The following GOSR2 variants were observed in gnomAD, a reference collection of about 807,000 sequenced individuals.
GOSR2 encodes 27 kDa Golgi SNARE protein.
GOSR2 carries 20 observed loss-of-function variants against 27.9 expected under a neutral mutation model. The observed-to-expected ratio is 0.72, with a 90% CI of 0.50 to 1.04. GOSR2 has a LOEUF of 1.04. GOSR2 is among the 50% of genes least tolerant of loss of function. The pLI is 0.00. For missense variants in GOSR2, 261 were observed against 270.5 expected (o/e 0.97, Z 0.25); for synonymous variants, 91 against 98.8 (o/e 0.92, Z 0.47).
intron 6 of GOSR2, among the ~76,000 whole-genome samples, chr17:46,954,894 C>T (rs1186214037): frequency 6.6e-6 from 1 of 152,182 alleles, no homozygotes; most frequent in African/African-American, 2.4e-5. Flanking sequence ...GCTGAAGTTG[C>T]TTATCAGCTT....
At chr17:46,961,814 T>G (rs890822853) in intron 6 of GOSR2, among the ~76,000 whole-genome samples, 2 of 152,178 alleles carry the variant, frequency 1.3e-5, no homozygotes, top group African/African-American at 4.8e-5. Context: ...TGTACACCCT[T>G]TATCTAATGC....
intron 4 of GOSR2, chr17:46,933,631 C>CTTTTTTTTTTTT (rs5820637): frequency 4.5e-5 from 6 of 134,740 alleles, no homozygotes; most frequent in Non-Finnish European, 6.2e-5. Context: ...GTGGCATAAC[C>CTTTTTTTTTTTT]TTTTTTTTTT....
In GOSR2 at chr17:46,939,580, T is replaced by G. The variant is rs1002973350; in HGVS notation, c.*820T>G. ...TTAGAAAGTAGCTGTAGGCAAAGATTTGTGATTTTCCAATTACAGTCTCAG... is the reference window on the plus strand; with the variant it reads ...TTAGAAAGTAGCTGTAGGCAAAGATGTGTGATTTTCCAATTACAGTCTCAG... On this transcript the variant is annotated 3_prime_UTR_variant, in exon 6 of 6. Transcript: ENST00000640051. The G allele has an allele frequency of 2.0e-6, 2 of 985,312 alleles. No homozygotes were observed. Among genetic ancestry groups the G allele is most frequent in the African/African-American group, 1.7e-5 (1 of 57,236 alleles). The allele number at this position is 985,312 out of a possible 1,614,324, so 61.0% of individuals were successfully genotyped here.
chr17:46,934,096 G>A (rs978660361), intron 4 of GOSR2, among the ~76,000 whole-genome samples: 1 of 152,210 alleles, frequency 6.6e-6, no homozygotes, highest in African/African-American at 2.4e-5. Flanking sequence ...CAGGATGGGC[G>A]TTGGTGTTTC....
chr17:46,947,262 T>C (rs1316606293), intron 6 of GOSR2, among the ~76,000 whole-genome samples: 1 of 152,132 alleles, frequency 6.6e-6, no homozygotes, highest in Non-Finnish European at 1.5e-5. Flanking sequence ...CAGCCTCCTC[T>C]TTGGTGTATG....
At chr17:46,934,934 T>C in intron 4 of GOSR2, 95 bp from the exon 5 acceptor site, 3 of 1,073,392 alleles carry the variant, frequency 2.8e-6, no homozygotes, top group Non-Finnish European at 4.4e-6. Flanking sequence ...CCCCTCCGGC[T>C]GTTCTGGCTT....
chr17:46,940,637 A>G lies in GOSR2; in HGVS notation c.*1877A>G. On this transcript the variant is annotated 3_prime_UTR_variant, in exon 6 of 6. Coordinates refer to ENST00000640051, the MANE Select transcript of GOSR2 (RefSeq NM_004287.5). ...GAGCCATTTGTTCTTGAACTCTGGG[A>G]GGCAGAAGTCCCCGCACCCATCATG... is the stretch of plus-strand genomic sequence containing the variant. 6.2e-7 allele frequency: 1 copy of G among 1,613,972 alleles called. No individual in the cohort carries two copies. Among genetic ancestry groups the G allele is most frequent in the Non-Finnish European group, 8.5e-7 (1 of 1,179,976 alleles).
downstream of GOSR2, among the ~76,000 whole-genome samples, chr17:46,944,252 C>T (rs748719371): frequency 1.3e-5 from 2 of 152,220 alleles, no homozygotes; most frequent in Non-Finnish European, 2.9e-5. Context: ...AGCAGCCCTC[C>T]GCAGTTTGCA....
At chr17:46,945,966 C>G (rs1403347360), downstream of GOSR2, among the ~76,000 whole-genome samples, 1 of 152,144 alleles carries the variant, frequency 6.6e-6, no homozygotes, top group Non-Finnish European at 1.5e-5. Context: ...GAAACCATTT[C>G]TTTTTTCCCC....
intron 2 of GOSR2, 127 bp downstream of exon 2, chr17:46,929,711 G>A (rs2087021156): frequency 1.5e-6 from 1 of 676,302 alleles, no homozygotes. Flanking sequence ...TGTTGTTAGG[G>A]TGGACAGAAA....
chr17:46,932,863 G>A (rs2087616630), intron 4 of GOSR2: 1 of 152,496 alleles, frequency 6.6e-6, no homozygotes, highest in Admixed American at 6.5e-5. Flanking sequence ...AATGAAGTGT[G>A]CTTTGGCTTT....
At position 46,962,277 on chromosome 17, in the gene GOSR2, C is replaced by T. The variant is rs573253178; in HGVS notation, c.584-4257C>T. Among the ~76,000 whole-genome samples the T allele has an allele frequency of 8.0e-5, 12 of 150,360 alleles. No individual in the cohort carries two copies. The South Asian group carries it at 1.1e-3, about 13-fold the overall frequency. ...CCGGGAGGTGGAGGTTGCAGTGAGC[C>T]GAGATTGCGCCACTGCACTCCAACC... On this transcript the variant is annotated intron_variant, in intron 6 of 6. Transcript: ENST00000573224.
intron 6 of GOSR2, chr17:46,966,479 T>C: frequency 3.0e-6 from 2 of 655,912 alleles, no homozygotes; most frequent in East Asian, 5.7e-5. Context: ...TCCAGGGTAG[T>C]TGGAACTACA....
In GOSR2 at chr17:46,935,356, C is replaced by T. The variant is rs115716044; in HGVS notation, c.477+187C>T. The T allele has an allele frequency of 3.4e-5, 49 of 1,455,418 alleles. 1 individual carries two copies. In the African/African-American group the frequency reaches 7.0e-4, roughly 21 times the overall value. The allele number at this position is 1,455,418 out of a possible 1,614,324, so 90.2% of individuals were successfully genotyped here. On this transcript the variant is annotated intron_variant, in intron 5 of 5. Transcript: ENST00000640051. ...ATTGTGAGCCTGAAAGTACCCAGTT[C>T]CTTTGCCAGTGCTTGAAACAAACCA...
rs567841814 is a variant in GOSR2 at position 46,949,312 on chromosome 17, A to G, written c.583+10608A>G. On this transcript the variant is annotated intron_variant, in intron 6 of 6. Transcript: ENST00000573224. ...CTGCACACGGCTTCTCCATGGGACC[A>G]GGGCTTCCTCAGGGCATGATGACTG... The G allele has an allele frequency of 2.0e-5, 3 of 152,516 alleles. No homozygotes were observed. In the South Asian group the frequency reaches 6.2e-4, roughly 32 times the overall value. 9.4% of individuals were successfully genotyped at this position (152,516 alleles called of 1,614,324 possible).
At chr17:46,936,394 T>A (rs1403510554) in intron 5 of GOSR2, 2 of 985,252 alleles carry the variant, frequency 2.0e-6, no homozygotes, top group East Asian at 2.3e-4. Flanking sequence ...AGCACACCTC[T>A]TGCCACCCAC....
chr17:46,959,885 C>T (rs998605758), intron 6 of GOSR2, among the ~76,000 whole-genome samples: 2 of 152,264 alleles, frequency 1.3e-5, no homozygotes, highest in African/African-American at 2.4e-5. Flanking sequence ...GCAGGAAGAC[C>T]GATTCATGAG....
At chr17:46,928,376 C>G (rs1396097910) in intron 1 of GOSR2, among the ~76,000 whole-genome samples, 1 of 152,208 alleles carries the variant, frequency 6.6e-6, no homozygotes, top group Non-Finnish European at 1.5e-5. Context: ...GGTTGCTGAC[C>G]TTTCCTCCAG....
rs2088896492 is a variant in GOSR2 at position 46,939,122 on chromosome 17, G to C, written c.*362G>C. On this transcript the variant is annotated 3_prime_UTR_variant, in exon 6 of 6. Transcript: ENST00000640051. ...GCCCTGTGTGCAGGACTGTCCACAC[G>C]GTTCACACCTTGTCACCATCAGGCC... 1 of 1,158,586 alleles carries C rather than the reference G, an allele frequency of 8.6e-7. No homozygotes were observed. The highest frequency in any genetic ancestry group is 1.6e-5 in the African/African-American group (1 of 62,660). 71.8% of individuals were successfully genotyped at this position (1,158,586 alleles called of 1,614,324 possible).
Sources: gnomAD v4.1 joint callset for allele counts (sites outside exome capture counted in the v4.1 genomes callset) on GRCh38, gnomAD v4.1.1 for gene constraint, MANE v1.5 for transcripts, NCBI Gene and HGNC (gene_info 2026-07-23, HGNC 2026-07-21) for gene names.